The following TNIK variants were observed in gnomAD, a reference collection of about 807,000 sequenced individuals.
TNIK encodes the protein TRAF2 and NCK-interacting protein kinase.
In TNIK, 49 loss-of-function variants were observed where a neutral mutation model predicts 191.3. That is an observed-to-expected ratio of 0.26 (90% CI 0.20 to 0.32). The LOEUF (loss-of-function observed/expected upper bound fraction) is 0.32. TNIK is among the 10% of genes least tolerant of loss of function. The pLI, the probability that TNIK is intolerant of heterozygous loss-of-function variation, is 1.00. For missense variants in TNIK, 1,155 were observed against 1,702.3 expected (o/e 0.68, Z 5.66); for synonymous variants, 594 against 600.9 (o/e 0.99, Z 0.17).
intron 1 of TNIK, among the ~76,000 whole-genome samples, chr3:171,390,602 C>G (rs1022860007): frequency 6.6e-6 from 1 of 152,222 alleles, no homozygotes; most frequent in Non-Finnish European, 1.5e-5. Context: ...TGCTGAATAA[C>G]TGCCATGCTG....
At chr3:171,097,683 C>A (rs1722913616) in intron 22 of TNIK, among the ~76,000 whole-genome samples, 1 of 152,154 alleles carries the variant, frequency 6.6e-6, no homozygotes, top group African/African-American at 2.4e-5. Flanking sequence ...GATTGTGAGG[C>A]CCCCCTAGCC....
intron 2 of TNIK, among the ~76,000 whole-genome samples, chr3:171,314,919 A>C (rs1197909005): frequency 6.6e-6 from 1 of 152,174 alleles, no homozygotes; most frequent in Non-Finnish European, 1.5e-5. Flanking sequence ...TGCAAACAAA[A>C]AGCATTTTAA....
chr3:171,194,701 A>T, intron 4 of TNIK, 66 bp from the exon 5 acceptor site: 1 of 1,429,386 alleles, frequency 7.0e-7, no homozygotes, highest in Non-Finnish European at 9.8e-7. Flanking sequence ...AGTTGGGGTA[A>T]GAAAGCACAA....
intron 10 of TNIK, among the ~76,000 whole-genome samples, chr3:171,161,585 A>G (rs1167516160): frequency 6.6e-6 from 1 of 152,234 alleles, no homozygotes; most frequent in Non-Finnish European, 1.5e-5. Flanking sequence ...GAATTAAAAA[A>G]TAATTTTTTA....
intron 21 of TNIK, among the ~76,000 whole-genome samples, chr3:171,103,814 TTTTCCTTTTCTCTGACATTTCA>T (rs1283294400): frequency 6.6e-6 from 1 of 152,122 alleles, no homozygotes; most frequent in African/African-American, 2.4e-5. Flanking sequence ...CAGAGGTTTA[TTTTCCTTTTCTCTGACATTTCA>T]AAACGAGACA....
chr3:171,101,935 T>C, intron 21 of TNIK: 1 of 194,210 alleles, frequency 5.1e-6, no homozygotes, highest in East Asian at 1.2e-4. Flanking sequence ...GGTTCTCATT[T>C]TGTTTTGGAA....
At chr3:171,308,669 C>T (rs543613856) in intron 2 of TNIK, among the ~76,000 whole-genome samples, 1 of 152,126 alleles carries the variant, frequency 6.6e-6, no homozygotes, top group South Asian at 2.1e-4. Context: ...CTCACAAAGG[C>T]CTAATATCCA....
intron 2 of TNIK, among the ~76,000 whole-genome samples, chr3:171,326,066 A>G (rs530868042): frequency 6.0e-4 from 91 of 152,308 alleles, no homozygotes; most frequent in Middle Eastern, 6.8e-3. Context: ...GTTATGTGGC[A>G]GGGAAGAGGA....
intron 2 of TNIK, among the ~76,000 whole-genome samples, chr3:171,320,066 C>T (rs1016543957): frequency 6.6e-6 from 1 of 152,094 alleles, no homozygotes. Context: ...TGCAAAATAA[C>T]CCATTTCTGG....
chr3:171,181,436 G>A lies in TNIK; in HGVS notation c.640-4056C>T, dbSNP rs80285641. ...GAAATTGTTTATTGGCTAACCCAATGGTCATTTTCAACCCTCATTTTTGTT... is the reference window on the plus strand; with the variant it reads ...GAAATTGTTTATTGGCTAACCCAATAGTCATTTTCAACCCTCATTTTTGTT... On this transcript the variant is annotated intron_variant, in intron 7 of 32. Coordinates refer to ENST00000436636, the MANE Select transcript of TNIK (RefSeq NM_015028.4). 6.8e-3 allele frequency among the ~76,000 whole-genome samples: 1,036 copies of A among 152,218 alleles called. 13 individuals carry two copies. Among genetic ancestry groups the A allele is most frequent in the African/African-American group, 0.023 (962 of 41,530 alleles).
chr3:171,191,439 T>G (rs761841526), intron 5 of TNIK, among the ~76,000 whole-genome samples: 107 of 152,278 alleles, frequency 7.0e-4, no homozygotes, highest in Non-Finnish European at 1.4e-3. Context: ...GGTTTCACCA[T>G]GTTGGCCAGG....
chr3:171,362,988 A>G (rs9865569), intron 2 of TNIK, among the ~76,000 whole-genome samples: 132,048 of 152,112 alleles, frequency 0.87, 57,653 homozygotes, highest in Non-Finnish European at 0.92. Context: ...CACTCTCACC[A>G]TCCCCACTTG....
rs1170726553 is a variant in TNIK at position 171,107,071 on chromosome 3, A to G, written c.2406+112T>C. Reference sequence around the variant, plus strand: ...CACTCCTCCCAGCAGATTGCTACAAATCTCCTCCCAGCTGATTGCTCCCAT... The same window carrying G: ...CACTCCTCCCAGCAGATTGCTACAAGTCTCCTCCCAGCTGATTGCTCCCAT... On this transcript the variant is annotated intron_variant, in intron 21 of 32. Coordinates refer to ENST00000436636, the MANE Select transcript of TNIK (RefSeq NM_015028.4). 3.5e-6 allele frequency: 4 copies of G among 1,155,334 alleles called. No individual in the cohort carries two copies. In the African/African-American group the frequency reaches 6.3e-5, roughly 18 times the overall value. The allele number at this position is 1,155,334 out of a possible 1,614,324, so 71.6% of individuals were successfully genotyped here. A position where few individuals can be genotyped will look rare whatever the true frequency, so the allele number is the denominator to read the frequency against.
chr3:171,297,508 A>G (rs1442376135), intron 2 of TNIK, among the ~76,000 whole-genome samples: 1 of 152,228 alleles, frequency 6.6e-6, no homozygotes, highest in Non-Finnish European at 1.5e-5. Flanking sequence ...GATAACGTCA[A>G]AATTGTACAG....
intron 1 of TNIK, among the ~76,000 whole-genome samples, chr3:171,370,688 T>C (rs555280976): frequency 4.6e-5 from 7 of 152,138 alleles, no homozygotes; most frequent in African/African-American, 1.7e-4. Flanking sequence ...AGGTAGGGTA[T>C]GGTATGGTAG....
In TNIK at chr3:171,385,405, G is replaced by A. The variant is rs569986648; in HGVS notation, c.58-15720C>T. ...GGAGGTGTGTGGCAGCCACTCTGAC[G>A]AGGAACACAGAGGAAACATTTGCTG... On this transcript the variant is annotated intron_variant, in intron 1 of 32. Coordinates refer to ENST00000436636, the MANE Select transcript of TNIK (RefSeq NM_015028.4). 2.4e-4 allele frequency among the ~76,000 whole-genome samples: 36 copies of A among 152,232 alleles called. No homozygotes were observed. The South Asian group carries it at 4.8e-3, about 20-fold the overall frequency.
intron 1 of TNIK, among the ~76,000 whole-genome samples, chr3:171,418,294 A>G (rs1295053457): frequency 1.3e-5 from 2 of 152,200 alleles, no homozygotes; most frequent in African/African-American, 4.8e-5. Context: ...ATAAGGACTT[A>G]CAAAACCTTA....
intron 2 of TNIK, among the ~76,000 whole-genome samples, chr3:171,282,033 G>A (rs1027567359): frequency 2.0e-5 from 3 of 152,144 alleles, no homozygotes; most frequent in Admixed American, 2.0e-4. Context: ...ATGTGAACTG[G>A]CATCCTCTCC....
chr3:171,234,439 G>A (rs1024374212), intron 2 of TNIK, among the ~76,000 whole-genome samples: 3 of 152,178 alleles, frequency 2.0e-5, no homozygotes, highest in African/African-American at 2.4e-5. Context: ...GCAAGGTACC[G>A]ACTCAGGATG....
Sources: allele counts gnomAD v4.1 joint callset (sites outside exome capture counted in the v4.1 genomes callset), GRCh38; gene constraint gnomAD v4.1.1; transcripts MANE v1.5; gene names NCBI Gene and HGNC (gene_info 2026-07-23, HGNC 2026-07-21).